The following USP7 variants were observed in gnomAD, a reference collection of about 807,000 sequenced individuals.
The protein encoded by USP7 is ubiquitin specific peptidase 7, also known as ubiquitin C-terminal hydrolase 7.
Under a neutral mutation model 162.9 loss-of-function variants are expected in USP7, and 9 were observed. The ratio of observed to expected loss-of-function variants is 0.06; its 90% CI spans 0.03 to 0.10. USP7 has a LOEUF of 0.10. Among genes scored for constraint, USP7 ranks in the 10% least tolerant of loss-of-function variants. USP7 has a pLI of 1.00. For missense variants in USP7, 715 were observed against 1,373.7 expected (o/e 0.52, Z 7.58); for synonymous variants, 562 against 475.9 (o/e 1.18, Z -2.35).
chr16:8,963,136 G>A, intron 1 of USP7, 71 bp downstream of exon 1: 2 of 1,293,828 alleles, frequency 1.5e-6, no homozygotes, highest in South Asian at 3.1e-5. Flanking sequence ...CCCTCGCGTG[G>A]CTCCCGCGGC....
At chr16:8,901,369 A>T in intron 18 of USP7, 135 bp from the exon 19 acceptor site, 1 of 653,762 alleles carries the variant, frequency 1.5e-6, no homozygotes, top group East Asian at 2.7e-5. Context: ...GTGAAATGAC[A>T]GCTTAAGGTA....
chr16:8,896,079 T>G (rs981210720), intron 26 of USP7, among the ~76,000 whole-genome samples: 1 of 151,050 alleles, frequency 6.6e-6, no homozygotes. Context: ...GACCTCGTGA[T>G]CCGCCCGCCT....
Position 8,906,677 on chromosome 16 carries a change from C to CT in USP7, c.1272-96dup, listed in dbSNP as rs1372219024. 7.1e-6 allele frequency: 9 copies of CT among 1,261,780 alleles called. No homozygotes were observed. The Admixed American group carries it at 2.1e-4, about 30-fold the overall frequency. 78.2% of individuals were successfully genotyped at this position (1,261,780 alleles called of 1,614,324 possible). On this transcript the variant is annotated intron_variant, in intron 12 of 30. Coordinates refer to ENST00000344836, the MANE Select transcript of USP7 (RefSeq NM_003470.3). ...AAGGCCATTTAATGTACTGGCTCATCTTTAATAGGATAAGCATGAATTGCC... is the reference window on the plus strand; with the variant it reads ...AAGGCCATTTAATGTACTGGCTCATCTTTTAATAGGATAAGCATGAATTGCC...
rs532394297 is a variant in USP7, at chr16:8,937,984, C to CT, written c.80-7588dup. On this transcript the variant is annotated intron_variant, in intron 1 of 30. Transcript: ENST00000344836. ...ATGAATCAGTAACTCCAATGAGCCC[C>CT]TATTATGTGCCAGGCCTTGTACAAT... Among the ~76,000 whole-genome samples, 26 of 152,198 alleles carry CT rather than the reference C, an allele frequency of 1.7e-4. No individual in the cohort carries two copies. In the South Asian group the frequency reaches 5.2e-3, roughly 30 times the overall value.
chr16:8,895,564 A>C (rs2061668342), intron 27 of USP7, 78 bp downstream of exon 27: 1 of 1,202,870 alleles, frequency 8.3e-7, no homozygotes, highest in African/African-American at 1.5e-5. Context: ...TACTTGTACA[A>C]CTTGCTGTGA....
intron 1 of USP7, among the ~76,000 whole-genome samples, chr16:8,940,657 C>T (rs954744535): frequency 7.2e-5 from 11 of 152,114 alleles, no homozygotes; most frequent in African/African-American, 2.7e-4. Context: ...ACCACACTCC[C>T]TAAGAAGCTC....
intron 1 of USP7, among the ~76,000 whole-genome samples, chr16:8,941,022 G>C (rs1347494965): frequency 6.6e-6 from 1 of 152,142 alleles, no homozygotes; most frequent in Non-Finnish European, 1.5e-5. Flanking sequence ...AGCACTCAGG[G>C]ACTCAAGGTT....
chr16:8,927,341 T>A (rs1888487343), intron 2 of USP7, among the ~76,000 whole-genome samples: 1 of 150,852 alleles, frequency 6.6e-6, no homozygotes, highest in South Asian at 2.1e-4. Flanking sequence ...AGAAAGAAAG[T>A]TAAAGAAAAA....
At chr16:8,937,206 CTT>C (rs56011329) in intron 1 of USP7, among the ~76,000 whole-genome samples, 1 of 149,340 alleles carries the variant, frequency 6.7e-6, no homozygotes, top group Admixed American at 6.7e-5. Context: ...GAGACTCTGT[CTT>C]TTTTTAAAAA....
At chr16:8,939,638 T>A (rs1040456345) in intron 1 of USP7, among the ~76,000 whole-genome samples, 2 of 152,252 alleles carry the variant, frequency 1.3e-5, no homozygotes, top group Non-Finnish European at 2.9e-5. Flanking sequence ...AAGGAAACCA[T>A]GAATGTTTCA....
intron 1 of USP7, among the ~76,000 whole-genome samples, chr16:8,937,635 T>C (rs1286006523): frequency 6.6e-6 from 1 of 151,992 alleles, no homozygotes; most frequent in Non-Finnish European, 1.5e-5. Context: ...GAGCAAGGGC[T>C]GCACCACTGC....
chr16:8,938,740 G>C (rs1192751328), intron 1 of USP7, among the ~76,000 whole-genome samples: 2 of 151,854 alleles, frequency 1.3e-5, no homozygotes, highest in Non-Finnish European at 2.9e-5. Flanking sequence ...GGACGGGGGA[G>C]TCTGTACCAA....
At chr16:8,899,474 T>C in intron 22 of USP7, 130 bp downstream of exon 22, 1 of 1,179,286 alleles carries the variant, frequency 8.5e-7, no homozygotes, top group Non-Finnish European at 1.2e-6. Context: ...AATCCATCAG[T>C]GGGAGATTTC....
intron 1 of USP7, among the ~76,000 whole-genome samples, chr16:8,950,751 G>C (rs937803139): frequency 6.6e-6 from 1 of 152,174 alleles, no homozygotes; most frequent in South Asian, 2.1e-4. Context: ...TCCCACTGGC[G>C]AGGGACCCAA....
chr16:8,916,638 A>C (rs2141203164), intron 7 of USP7, 82 bp from the exon 8 acceptor site: 1 of 1,331,654 alleles, frequency 7.5e-7, no homozygotes, highest in Non-Finnish European at 1.0e-6. Flanking sequence ...TTGAAAACCT[A>C]AACTGGATAA....
chr16:8,903,497 A>C, intron 15 of USP7, 95 bp from the exon 16 acceptor site: 33 of 1,384,934 alleles, frequency 2.4e-5, no homozygotes, highest in African/African-American at 2.9e-5. Flanking sequence ...CTGAAAACTC[A>C]TTTTTTGTTC....
intron 15 of USP7, 133 bp downstream of exon 15, chr16:8,904,302 G>A: frequency 6.8e-7 from 1 of 1,476,582 alleles, no homozygotes; most frequent in Non-Finnish European, 9.1e-7. Flanking sequence ...ACCTGCACTT[G>A]CGTACAGAGA....
Position 8,919,147 on chromosome 16 carries a change from A to G in USP7, c.612-8T>C, listed in dbSNP as rs761984134. The G allele has an allele frequency of 2.5e-6, 4 of 1,613,906 alleles. No individual in the cohort carries two copies. Among genetic ancestry groups the G allele is most frequent in the Non-Finnish European group, 3.4e-6 (4 of 1,179,938 alleles). On this transcript the variant is annotated splice_region_variant and splice_polypyrimidine_tract_variant and intron_variant, in intron 5 of 30. Coordinates refer to ENST00000344836, the MANE Select transcript of USP7 (RefSeq NM_003470.3). ...TGCTTCTTTGAATCCCACCTGAAAG[A>G]TCAGTTCAAGGTTGAGGGGATCTTG...
intron 12 of USP7, among the ~76,000 whole-genome samples, chr16:8,907,320 T>A (rs1005209337): frequency 1.3e-5 from 2 of 152,230 alleles, no homozygotes; most frequent in South Asian, 2.1e-4. Flanking sequence ...GGCTGCCAGT[T>A]TGTGGTTTCT....
Sources: gnomAD v4.1 joint callset for allele counts (sites outside exome capture counted in the v4.1 genomes callset) on GRCh38, gnomAD v4.1.1 for gene constraint, MANE v1.5 for transcripts, NCBI Gene and HGNC (gene_info 2026-07-23, HGNC 2026-07-21) for gene names.